PDE11A: variants seen among roughly 807,000 people sequenced by gnomAD.
PDE11A encodes dual 3',5'-cyclic-AMP and -GMP phosphodiesterase 11A.
In PDE11A, 100 loss-of-function variants were observed where a neutral mutation model predicts 100.5. That is an observed-to-expected ratio of 1.00 (90% CI 0.85 to 1.18). PDE11A has a LOEUF of 1.18. PDE11A is among the 50% of genes most tolerant of loss of function. The pLI is 0.00. For missense variants in PDE11A, 1,141 were observed against 1,152.6 expected, an observed-to-expected ratio of 0.99 and a Z score of 0.15; for synonymous variants, 381 against 420.8, an observed-to-expected ratio of 0.91 and a Z score of 1.16.
At chr2:178,086,388 A>C (rs998602879) in intron 2 of PDE11A, among the ~76,000 whole-genome samples, 29 of 152,370 alleles carry the variant, frequency 1.9e-4, no homozygotes, top group Admixed American at 1.7e-3. Context: ...AGCATGGTTT[A>C]TCAGGTGCCA....
intron 5 of PDE11A, among the ~76,000 whole-genome samples, chr2:177,845,194 C>T (rs1223276780): frequency 2.7e-5 from 4 of 150,172 alleles, no homozygotes; most frequent in Non-Finnish European, 5.9e-5. Context: ...CCCTCCCGGA[C>T]GGGGTGGCTG....
At chr2:178,018,550 C>T (rs1341916137) in intron 1 of PDE11A, 2 of 377,584 alleles carry the variant, frequency 5.3e-6, no homozygotes, top group East Asian at 6.9e-5. Flanking sequence ...TGCCATTCCA[C>T]TAACAATAAA....
chr2:177,812,402 C>T (rs531480893), intron 9 of PDE11A, among the ~76,000 whole-genome samples: 19 of 152,158 alleles, frequency 1.2e-4, no homozygotes, highest in South Asian at 8.3e-4. Flanking sequence ...AAGTTAGCAA[C>T]CTCCTTCTGC....
chr2:177,919,254 T>A (rs1441580300), intron 2 of PDE11A, among the ~76,000 whole-genome samples: 1 of 145,786 alleles, frequency 6.9e-6, no homozygotes, highest in Admixed American at 6.8e-5. Context: ...CGCACCACCA[T>A]GCCTGGCTAA....
At chr2:177,877,680 T>G (rs564809682) in intron 4 of PDE11A, among the ~76,000 whole-genome samples, 2 of 152,280 alleles carry the variant, frequency 1.3e-5, no homozygotes, top group South Asian at 4.1e-4. Flanking sequence ...GGTTAGAAAG[T>G]TCTTGGCTCT....
At chr2:178,079,008 G>T (rs548291785) in intron 2 of PDE11A, among the ~76,000 whole-genome samples, 1 of 152,246 alleles carries the variant, frequency 6.6e-6, no homozygotes, top group South Asian at 2.1e-4. Context: ...CTAAAAATCA[G>T]AAGTATCCTT....
At chr2:178,106,401 C>T (rs930539808) in intron 1 of PDE11A, among the ~76,000 whole-genome samples, 14 of 152,162 alleles carry the variant, frequency 9.2e-5, no homozygotes, top group African/African-American at 3.1e-4. Context: ...AGAAAACTTA[C>T]TTTATCCAAG....
intron 2 of PDE11A, among the ~76,000 whole-genome samples, chr2:177,936,046 AC>A (rs1174911397): frequency 6.6e-6 from 1 of 152,268 alleles, no homozygotes; most frequent in Non-Finnish European, 1.5e-5. Context: ...GTCTTCTAAG[AC>A]ATCTATGTAT....
chr2:178,052,139 A>C (rs2086836742), intron 1 of PDE11A, among the ~76,000 whole-genome samples: 1 of 152,220 alleles, frequency 6.6e-6, no homozygotes, highest in South Asian at 2.1e-4. Flanking sequence ...CAAATGTAAA[A>C]GAACAGAAAT....
intron 5 of PDE11A, among the ~76,000 whole-genome samples, chr2:177,865,047 G>C (rs1558980534): frequency 6.6e-6 from 1 of 152,170 alleles, no homozygotes; most frequent in South Asian, 2.1e-4. Flanking sequence ...GGGAGGCCAA[G>C]GTGGGTGGAA....
intron 2 of PDE11A, among the ~76,000 whole-genome samples, chr2:178,101,889 T>C (rs140892159): frequency 5.8e-4 from 88 of 152,344 alleles, no homozygotes; most frequent in African/African-American, 1.9e-3. Flanking sequence ...ACTTGACAAA[T>C]ATTAAATTTT....
chr2:177,762,520 T>G (rs2082183548), intron 10 of PDE11A, among the ~76,000 whole-genome samples: 1 of 152,202 alleles, frequency 6.6e-6, no homozygotes, highest in African/African-American at 2.4e-5. Context: ...GGCCACACTG[T>G]TGCTCTCCAC....
intron 12 of PDE11A, among the ~76,000 whole-genome samples, chr2:177,727,255 T>C (rs923918467): frequency 1.3e-5 from 2 of 152,086 alleles, no homozygotes; most frequent in Non-Finnish European, 2.9e-5. Context: ...GATTTCCATA[T>C]TCCTGCGGGT....
At chr2:177,881,409 A>ATTGG (rs1449165655) in intron 4 of PDE11A, among the ~76,000 whole-genome samples, 3 of 151,612 alleles carry the variant, frequency 2.0e-5, no homozygotes, top group African/African-American at 7.3e-5. Flanking sequence ...CTAGTCTCCT[A>ATTGG]TTGGTTCTGT....
At chr2:177,932,631 CCCT>C (rs996752908) in intron 2 of PDE11A, among the ~76,000 whole-genome samples, 1 of 152,086 alleles carries the variant, frequency 6.6e-6, no homozygotes, top group African/African-American at 2.4e-5. Context: ...ATGATAAAAA[CCCT>C]CAAGAAATTA....
chr2:177,886,791 A>T (rs1390434266), intron 4 of PDE11A, among the ~76,000 whole-genome samples: 1 of 152,230 alleles, frequency 6.6e-6, no homozygotes, highest in Non-Finnish European at 1.5e-5. Flanking sequence ...TTCCAAAAAC[A>T]GAGCAAAGAC....
intron 2 of PDE11A, among the ~76,000 whole-genome samples, chr2:177,931,911 C>CAAAAAAAAAA (rs71410773): frequency 1.9e-4 from 15 of 80,176 alleles, no homozygotes; most frequent in East Asian, 4.3e-4. Context: ...GCTAGATTAA[C>CAAAAAAAAAA]AAAAAAAAAA....
chr2:177,901,273 G>C (rs556013046), intron 3 of PDE11A, among the ~76,000 whole-genome samples: 31 of 151,824 alleles, frequency 2.0e-4, no homozygotes, highest in African/African-American at 6.3e-4. Context: ...AGCTAACTCA[G>C]GGCAAGAGGA....
intron 17 of PDE11A, among the ~76,000 whole-genome samples, chr2:177,674,789 C>T (rs1193827141): frequency 2.6e-5 from 4 of 152,160 alleles, no homozygotes; most frequent in Admixed American, 6.5e-5. Context: ...TTCCCTAAAA[C>T]GTCAAGTCTT....
Sources: gnomAD v4.1 joint callset for allele counts (sites outside exome capture counted in the v4.1 genomes callset) on GRCh38, gnomAD v4.1.1 for gene constraint, MANE v1.5 for transcripts, NCBI Gene and HGNC (gene_info 2026-07-23, HGNC 2026-07-21) for gene names.